Variants in KCNH5 observed in about 807,000 individuals in gnomAD.
KCNH5 encodes voltage-gated delayed rectifier potassium channel KCNH5.
Under a neutral mutation model 96.1 loss-of-function variants are expected in KCNH5, and 46 were observed. That is an observed-to-expected ratio of 0.48 (90% CI 0.38 to 0.61). The LOEUF is 0.61. Among genes scored for constraint, KCNH5 ranks in the 20% least tolerant of loss-of-function variants. KCNH5 has a pLI of 0.00. For synonymous variants in KCNH5, 439 were observed against 449.8 expected (o/e 0.98, Z 0.30); for missense variants, 907 against 1,225.8 (o/e 0.74, Z 3.88).
At position 62,927,334 on chromosome 14, in the gene KCNH5, C is replaced by T. The variant is rs116188019; in HGVS notation, c.1369+22799G>A. On this transcript the variant is annotated intron_variant, in intron 7 of 10. Coordinates refer to ENST00000322893, the MANE Select transcript of KCNH5 (RefSeq NM_139318.5). ...ACTGTGGAACACACTGTGGTGGTTC[C>T]TCAAAATATTACAAATAAAACTACC... Among the ~76,000 whole-genome samples the T allele has an allele frequency of 5.9e-3, 895 of 152,186 alleles. 20 individuals are homozygous for T. The highest frequency in any genetic ancestry group is 0.033 in the Admixed American group (512 of 15,286).
intron 10 of KCNH5, among the ~76,000 whole-genome samples, chr14:62,756,954 C>T (rs1012187283): frequency 2.0e-5 from 3 of 151,990 alleles, no homozygotes; most frequent in Non-Finnish European, 2.9e-5. Context: ...AAATAGATCA[C>T]GTTAAAAAGC....
intron 6 of KCNH5, among the ~76,000 whole-genome samples, chr14:62,951,598 T>C (rs372969289): frequency 2.9e-4 from 44 of 152,322 alleles, no homozygotes; most frequent in African/African-American, 1.0e-3. Context: ...GAGGAATTTG[T>C]TGTTGCAGTA....
At chr14:62,815,276 G>A (rs1886954634) in intron 8 of KCNH5, among the ~76,000 whole-genome samples, 1 of 152,026 alleles carries the variant, frequency 6.6e-6, no homozygotes, top group African/African-American at 2.4e-5. Flanking sequence ...TACTCTTGAG[G>A]GCCAGAGTTG....
intron 1 of KCNH5, among the ~76,000 whole-genome samples, chr14:63,028,839 T>C (rs1182986800): frequency 6.6e-6 from 1 of 152,170 alleles, no homozygotes; most frequent in African/African-American, 2.4e-5. Flanking sequence ...ATATGGACAA[T>C]TCACATATTT....
chr14:62,874,442 C>T (rs148673894), intron 7 of KCNH5, among the ~76,000 whole-genome samples: 1,767 of 152,240 alleles, frequency 0.012, 55 homozygotes, highest in African/African-American at 0.04. Context: ...GTCAGAATGG[C>T]GATTATTAAA....
intron 10 of KCNH5, among the ~76,000 whole-genome samples, chr14:62,760,078 G>T (rs912447586): frequency 6.6e-6 from 1 of 152,092 alleles, no homozygotes; most frequent in South Asian, 2.1e-4. Context: ...CTCATTTTGT[G>T]GAGTTGCAAA....
At chr14:62,900,756 G>C (rs999495815) in intron 7 of KCNH5, among the ~76,000 whole-genome samples, 3 of 152,010 alleles carry the variant, frequency 2.0e-5, no homozygotes, top group Non-Finnish European at 2.9e-5. Flanking sequence ...GATATGATGA[G>C]GAGGGTCAAC....
At chr14:62,922,928 G>T (rs1332035234) in intron 7 of KCNH5, among the ~76,000 whole-genome samples, 1 of 151,838 alleles carries the variant, frequency 6.6e-6, no homozygotes. Flanking sequence ...TATAGTACCT[G>T]AAGTCTTAGA....
chr14:62,740,806 C>T (rs1885256327), intron 10 of KCNH5, among the ~76,000 whole-genome samples: 1 of 152,006 alleles, frequency 6.6e-6, no homozygotes, highest in South Asian at 2.1e-4. Context: ...AATTAATAAC[C>T]ACTAACATGC....
intron 10 of KCNH5, among the ~76,000 whole-genome samples, chr14:62,711,450 A>T (rs1884566034): frequency 6.6e-6 from 1 of 152,204 alleles, no homozygotes; most frequent in Non-Finnish European, 1.5e-5. Flanking sequence ...CTGGTACATT[A>T]GATGACAGAA....
At chr14:62,755,579 G>A (rs1885603928) in intron 10 of KCNH5, among the ~76,000 whole-genome samples, 1 of 152,066 alleles carries the variant, frequency 6.6e-6, no homozygotes, top group Non-Finnish European at 1.5e-5. Flanking sequence ...CTCATTCTAT[G>A]AGCACAATAT....
At chr14:62,849,181 T>G (rs1239717858) in intron 8 of KCNH5, among the ~76,000 whole-genome samples, 1 of 152,140 alleles carries the variant, frequency 6.6e-6, no homozygotes, top group East Asian at 1.9e-4. Flanking sequence ...AAGTTCTTTA[T>G]AAAACATATG....
At chr14:62,948,530 C>G (rs1439834297) in intron 7 of KCNH5, among the ~76,000 whole-genome samples, 1 of 151,832 alleles carries the variant, frequency 6.6e-6, no homozygotes, top group African/African-American at 2.4e-5. Context: ...GCTTACCAAC[C>G]AAAAAGAGTC....
At chr14:63,040,570 A>G (rs114491674) in intron 1 of KCNH5, among the ~76,000 whole-genome samples, 163 of 152,306 alleles carry the variant, frequency 1.1e-3, no homozygotes, top group African/African-American at 3.8e-3. Flanking sequence ...TGTCTTAGAT[A>G]TTAAAGAAAA....
intron 7 of KCNH5, among the ~76,000 whole-genome samples, chr14:62,934,202 C>T (rs1382849674): frequency 2.0e-5 from 3 of 151,336 alleles, no homozygotes; most frequent in Non-Finnish European, 4.4e-5. Context: ...CATGATCTCA[C>T]TGCAACCTCC....
chr14:62,953,164 A>C (rs1375281602), intron 6 of KCNH5, among the ~76,000 whole-genome samples: 1 of 151,550 alleles, frequency 6.6e-6, no homozygotes, highest in Admixed American at 6.6e-5. Flanking sequence ...TACATAAAGT[A>C]TATATAAAAT....
rs1884590357 is a variant in KCNH5 at position 62,712,394 on chromosome 14, C to CA, written c.2020-3940dup. The CA allele has an allele frequency of 2.0e-5, 9 of 450,712 alleles. No homozygotes were observed. In the South Asian group the frequency reaches 3.3e-4, roughly 17 times the overall value. The allele number at this position is 450,712 out of a possible 1,614,324, so 27.9% of individuals were successfully genotyped here. ...TCATTTAAGTGTCATGGAATGAGAA[C>CA]ATTTTACGAGCTAGGACCTATTATT... is the stretch of plus-strand genomic sequence containing the variant. On this transcript the variant is annotated intron_variant, in intron 10 of 10. Transcript: ENST00000322893.
intron 8 of KCNH5, among the ~76,000 whole-genome samples, chr14:62,823,149 C>CCTGG (rs1887149332): frequency 6.6e-6 from 1 of 152,048 alleles, no homozygotes; most frequent in South Asian, 2.1e-4. Flanking sequence ...CTGTGGAGTC[C>CCTGG]ACCCTATCCT....
chr14:62,924,996 T>G (rs958378270), intron 7 of KCNH5, among the ~76,000 whole-genome samples: 1 of 152,002 alleles, frequency 6.6e-6, no homozygotes, highest in Admixed American at 6.6e-5. Context: ...TGTGAGGTGG[T>G]GGATATGTTA....
Sources: allele counts gnomAD v4.1 joint callset (sites outside exome capture counted in the v4.1 genomes callset), GRCh38; gene constraint gnomAD v4.1.1; transcripts MANE v1.5; gene names NCBI Gene and HGNC (gene_info 2026-07-23, HGNC 2026-07-21).